GDPD5: variants seen among roughly 807,000 people sequenced by gnomAD.
The protein encoded by GDPD5 is glycerophosphodiester phosphodiesterase domain containing 5.
A neutral mutation model predicts 75.1 loss-of-function variants in GDPD5; 48 were observed. The ratio of observed to expected loss-of-function variants is 0.64; its 90% CI spans 0.51 to 0.81. The LOEUF is 0.81. Among genes scored for constraint, GDPD5 ranks in the 40% least tolerant of loss-of-function variants. The probability of loss-of-function intolerance (pLI) is 0.00; values close to 1 mark genes in which losing one functional copy is unlikely to be tolerated. For missense variants in GDPD5, 706 were observed against 822.6 expected, an observed-to-expected ratio of 0.86 and a Z score of 1.73; for synonymous variants, 336 against 339.0, an observed-to-expected ratio of 0.99 and a Z score of 0.10.
At chr11:75,493,688 G>T (rs779976810) in intron 1 of GDPD5, among the ~76,000 whole-genome samples, 34 of 152,048 alleles carry the variant, frequency 2.2e-4, no homozygotes, top group Non-Finnish European at 3.1e-4. Context: ...AGCAGGGGGG[G>T]GCCTAAGTGG....
chr11:75,478,176 G>A (rs1949821009), intron 2 of GDPD5, among the ~76,000 whole-genome samples: 2 of 152,196 alleles, frequency 1.3e-5, no homozygotes, highest in African/African-American at 2.4e-5. Flanking sequence ...TTGAGACAGA[G>A]TCTTGCTCTG....
intron 11 of GDPD5, chr11:75,442,867 T>C (rs1948862850): frequency 1.7e-6 from 1 of 603,176 alleles, no homozygotes; most frequent in South Asian, 2.0e-5. Context: ...AACCCCTCTC[T>C]AGAGTTTTAC....
intron 1 of GDPD5, among the ~76,000 whole-genome samples, chr11:75,520,497 G>C (rs912806983): frequency 2.6e-5 from 4 of 152,218 alleles, no homozygotes; most frequent in East Asian, 1.9e-4. Context: ...GATTCGGTGG[G>C]GGCACATAGA....
chr11:75,449,857 A>G (rs1222686275), intron 7 of GDPD5, 28 bp downstream of exon 7: 1 of 1,599,270 alleles, frequency 6.3e-7, no homozygotes, highest in Admixed American at 1.7e-5. Context: ...TCTTGTTGTG[A>G]GGGTCCTGGG....
At chr11:75,450,141 A>G (rs1949100589) in intron 6 of GDPD5, among the ~76,000 whole-genome samples, 158 bp from the exon 7 acceptor site, 1 of 152,132 alleles carries the variant, frequency 6.6e-6, no homozygotes, top group Non-Finnish European at 1.5e-5. Context: ...GGCTGCCAGG[A>G]AACTAGAGGC....
At chr11:75,471,606 C>T (rs572241117) in intron 3 of GDPD5, among the ~76,000 whole-genome samples, 2 of 152,310 alleles carry the variant, frequency 1.3e-5, no homozygotes, top group East Asian at 3.9e-4. Flanking sequence ...TCCCAGATCC[C>T]TACATAGGAC....
At chr11:75,489,651 T>G (rs115747674) in intron 2 of GDPD5, among the ~76,000 whole-genome samples, 1,918 of 152,250 alleles carry the variant, frequency 0.013, 39 homozygotes, top group African/African-American at 0.044. Flanking sequence ...ACCCTCAGAT[T>G]GGAGGTTAAG....
intron 6 of GDPD5, among the ~76,000 whole-genome samples, chr11:75,455,902 C>T (rs1309933933): frequency 1.3e-5 from 2 of 152,172 alleles, no homozygotes; most frequent in Non-Finnish European, 2.9e-5. Flanking sequence ...TGAGGGGGGG[C>T]ACTGGGAACA....
At chr11:75,493,010 A>T (rs1014846569) in intron 1 of GDPD5, among the ~76,000 whole-genome samples, 1 of 152,150 alleles carries the variant, frequency 6.6e-6, no homozygotes, top group Non-Finnish European at 1.5e-5. Context: ...GATTACAGTT[A>T]TGAGCCACTG....
chr11:75,497,541 G>A (rs943120783), intron 1 of GDPD5, among the ~76,000 whole-genome samples: 1 of 87,044 alleles, frequency 1.1e-5, no homozygotes, highest in African/African-American at 3.1e-5. Context: ...ACCACCCTAA[G>A]GGCACCCTCT....
intron 2 of GDPD5, among the ~76,000 whole-genome samples, chr11:75,478,008 C>T (rs1209357037): frequency 2.6e-5 from 4 of 152,196 alleles, no homozygotes; most frequent in Admixed American, 2.6e-4. Context: ...CCTACTCCTT[C>T]CCCTCCAGCC....
intron 3 of GDPD5, among the ~76,000 whole-genome samples, chr11:75,475,350 C>A (rs1457219157): frequency 1.3e-5 from 2 of 152,078 alleles, no homozygotes. Context: ...GAGCCGTCTC[C>A]ACCACCCCTC....
chr11:75,515,048 T>G (rs1950607697), intron 1 of GDPD5, among the ~76,000 whole-genome samples: 1 of 152,172 alleles, frequency 6.6e-6, no homozygotes, highest in Admixed American at 6.5e-5. Flanking sequence ...GAATTCTGAC[T>G]CCGAGGCCCA....
chr11:75,477,756 C>T lies in GDPD5; in HGVS notation c.-21G>A, dbSNP rs372285076. 81 of 1,518,812 alleles carry T rather than the reference C, an allele frequency of 5.3e-5. No homozygotes were observed. Among genetic ancestry groups the T allele is most frequent in the Non-Finnish European group, 7.1e-5 (79 of 1,120,300 alleles). The allele number at this position is 1,518,812 out of a possible 1,614,324, so 94.1% of individuals were successfully genotyped here. A position where few individuals can be genotyped will look rare whatever the true frequency, so the allele number is the denominator to read the frequency against. On this transcript the variant is annotated 5_prime_UTR_variant, in exon 3 of 17. Coordinates refer to ENST00000336898, the MANE Select transcript of GDPD5 (RefSeq NM_030792.8). ...ACCATACTCGTGCCCACGGCCCTGGCGCCTGGCCCTCAGGCGCCCATGGAG... is the reference window on the plus strand; with the variant it reads ...ACCATACTCGTGCCCACGGCCCTGGTGCCTGGCCCTCAGGCGCCCATGGAG...
intron 3 of GDPD5, among the ~76,000 whole-genome samples, chr11:75,463,817 C>T (rs1010214653): frequency 1.5e-4 from 22 of 151,394 alleles, no homozygotes; most frequent in Middle Eastern, 3.4e-3. Context: ...TCTCCAGCTT[C>T]GACCTACACA....
At chr11:75,469,109 A>G (rs1396366584) in intron 3 of GDPD5, among the ~76,000 whole-genome samples, 1 of 152,230 alleles carries the variant, frequency 6.6e-6, no homozygotes, top group Non-Finnish European at 1.5e-5. Flanking sequence ...TGCTGAGGAC[A>G]GCCAGGTTGA....
chr11:75,453,616 TAA>T (rs59758693), intron 6 of GDPD5, among the ~76,000 whole-genome samples: 13 of 136,860 alleles, frequency 9.5e-5, no homozygotes, highest in African/African-American at 5.5e-5. Flanking sequence ...AGACTGTCTC[TAA>T]AAAAAAAAAA....
intron 10 of GDPD5, among the ~76,000 whole-genome samples, 158 bp from the exon 11 acceptor site, chr11:75,443,444 A>G (rs960892736): frequency 4.6e-5 from 7 of 152,128 alleles, no homozygotes; most frequent in African/African-American, 1.7e-4. Context: ...CAGGGAAGAC[A>G]GTGGGCTGGT....
intron 2 of GDPD5, among the ~76,000 whole-genome samples, chr11:75,478,603 AT>A (rs1177035020): frequency 6.6e-6 from 1 of 152,204 alleles, no homozygotes; most frequent in East Asian, 1.9e-4. Flanking sequence ...CTACCCTACT[AT>A]AATGCAGTTT....
Sources: gnomAD v4.1 joint callset for allele counts (sites outside exome capture counted in the v4.1 genomes callset) on GRCh38, gnomAD v4.1.1 for gene constraint, MANE v1.5 for transcripts, NCBI Gene and HGNC (gene_info 2026-07-23, HGNC 2026-07-21) for gene names.